The following NCF4 variants were observed in gnomAD, a reference collection of about 807,000 sequenced individuals.
NCF4 encodes the protein neutrophil cytosolic factor 4.
A neutral mutation model predicts 41.7 loss-of-function variants in NCF4; 30 were observed. The ratio of observed to expected loss-of-function variants is 0.72; its 90% confidence interval spans 0.54 to 0.97. The LOEUF (loss-of-function observed/expected upper bound fraction) is 0.97. Ranked by LOEUF, NCF4 falls within the 50% of genes least tolerant of loss-of-function variation. The probability of loss-of-function intolerance (pLI) is 0.00; values close to 1 mark genes in which losing one functional copy is unlikely to be tolerated. For missense variants in NCF4, 432 were observed against 460.9 expected, an observed-to-expected ratio of 0.94 and a Z score of 0.57; for synonymous variants, 195 against 175.8, an observed-to-expected ratio of 1.11 and a Z score of -0.87.
rs781723897 is a variant in NCF4 at position 36,877,683 on chromosome 22, C to G, written c.880C>G (p.Leu294Val). The G allele has an allele frequency of 6.2e-7, 1 of 1,614,206 alleles. No homozygotes were observed. The highest frequency in any genetic ancestry group is 8.5e-7 in the Non-Finnish European group (1 of 1,180,048). ...GAATTACCGGGACGCTGAGGGGGAT[C>G]TGGTTCGGCTGCTGTCGGATGAGGA... ...ALNYRDAEGD[L>V]VRLLSDEDVA... Residue 294 changes from leucine to valine, a missense_variant, in exon 10 of 10, where the codon CTG becomes GTG. Transcript: ENST00000248899.
intron 7 of NCF4, among the ~76,000 whole-genome samples, chr22:36,875,412 T>C (rs1474554198): frequency 6.6e-6 from 1 of 152,198 alleles, no homozygotes; most frequent in Non-Finnish European, 1.5e-5. Flanking sequence ...AATAAGTGAA[T>C]GAGTGAGATA....
chr22:36,864,801 C>A, intron 2 of NCF4, 118 bp from the exon 3 acceptor site: 1 of 1,278,316 alleles, frequency 7.8e-7, no homozygotes, highest in Non-Finnish European at 1.1e-6. Context: ...TCCAGAGACC[C>A]TTCTGCATCC....
rs774395484 is a variant in NCF4 at position 36,877,650 on chromosome 22, A to G, written c.847A>G (p.Ile283Val). 19 of 1,614,136 alleles carry G rather than the reference A, an allele frequency of 1.2e-5. No homozygotes were observed. Among genetic ancestry groups the G allele is most frequent in the South Asian group, 3.3e-5 (3 of 91,082 alleles). ...LTRREFQRED[I>V]ALNYRDAEGD... ...CAGGCGGGAGTTCCAGAGAGAGGAC[A>G]TAGCTCTGAATTACCGGGACGCTGA... Residue 283 changes from isoleucine to valine, a missense_variant, in exon 10 of 10, where the codon ATA becomes GTA. By Grantham distance (29) the Ile-to-Val change is conservative. Coordinates refer to ENST00000248899, the MANE Select transcript of NCF4 (RefSeq NM_000631.5).
intron 3 of NCF4, among the ~76,000 whole-genome samples, chr22:36,866,985 CAGTG>C (rs1374000452): frequency 6.6e-6 from 1 of 152,102 alleles, no homozygotes; most frequent in Non-Finnish European, 1.5e-5. Context: ...AAGTGCTACA[CAGTG>C]AGATATTTAC....
Position 36,876,576 on chromosome 22 carries a change from C to T in NCF4, c.824+482C>T, listed in dbSNP as rs144277411. Among the ~76,000 whole-genome samples, 565 of 152,238 alleles carry T rather than the reference C, an allele frequency of 3.7e-3. 3 individuals carry two copies. The highest frequency in any genetic ancestry group is 0.013 in the African/African-American group (539 of 41,534). ...AATCACCTCATATTTTTACTCCCCT[C>T]GTTATGTGACGTACACTCAGATTTC... is the stretch of plus-strand genomic sequence containing the variant. On this transcript the variant is annotated intron_variant, in intron 9 of 9. Coordinates refer to ENST00000248899, the MANE Select transcript of NCF4 (RefSeq NM_000631.5).
At chr22:36,868,366 CCCT>C (rs1939976732) in intron 4 of NCF4, among the ~76,000 whole-genome samples, 1 of 152,350 alleles carries the variant, frequency 6.6e-6, no homozygotes, top group African/African-American at 2.4e-5. Context: ...TGGGGCAGTG[CCCT>C]CTAGTATCAC....
At chr22:36,864,519 C>G (rs747871246) in intron 2 of NCF4, among the ~76,000 whole-genome samples, 8 of 152,106 alleles carry the variant, frequency 5.3e-5, no homozygotes, top group Non-Finnish European at 1.0e-4. Context: ...CCCCACAACA[C>G]CCCTGTCATA....
chr22:36,863,143 G>A (rs1384577163), intron 1 of NCF4, among the ~76,000 whole-genome samples: 1 of 152,182 alleles, frequency 6.6e-6, no homozygotes, highest in Non-Finnish European at 1.5e-5. Context: ...CTCTATAATT[G>A]CAGACGACGG....
intron 9 of NCF4, among the ~76,000 whole-genome samples, chr22:36,876,845 A>G (rs574110571): frequency 2.6e-4 from 39 of 152,318 alleles, no homozygotes; most frequent in African/African-American, 8.7e-4. Flanking sequence ...AGCATTTGCA[A>G]GTCTCATAGG....
At chr22:36,872,259 G>T (rs1384649930) in intron 6 of NCF4, 68 bp from the exon 7 acceptor site, 3 of 1,225,746 alleles carry the variant, frequency 2.4e-6, no homozygotes, top group Non-Finnish European at 3.6e-6. Context: ...ACTAAAGTAT[G>T]TAAGGCACTT....
In NCF4 at chr22:36,865,182, G is replaced by A; in HGVS notation, c.271+110G>A. On this transcript the variant is annotated intron_variant, in intron 3 of 9. Coordinates refer to ENST00000248899, the MANE Select transcript of NCF4 (RefSeq NM_000631.5). This position sits in a 1 kb window ranked among gnomAD's most constrained non-coding sequence, Gnocchi z 4.3. ...CTCAACCCCAGTGAAAACTGTTCAT[G>A]TAGTTTATAGCCCCCACTCCCGGCA... 6.8e-7 allele frequency: 1 copy of A among 1,475,904 alleles called. No homozygotes were observed. The highest frequency in any genetic ancestry group is 9.2e-7 in the Non-Finnish European group (1 of 1,085,024). 91.4% of individuals were successfully genotyped at this position (1,475,904 alleles called of 1,614,324 possible).
chr22:36,861,265 A>T, intron 1 of NCF4, 62 bp downstream of exon 1: 3 of 1,520,464 alleles, frequency 2.0e-6, no homozygotes, highest in Non-Finnish European at 2.7e-6. Context: ...CCTTAGGGAC[A>T]AAGGCCAGTC....
intron 4 of NCF4, chr22:36,869,953 G>T: frequency 4.7e-6 from 1 of 211,632 alleles, no homozygotes; most frequent in Non-Finnish European, 9.8e-6. Context: ...GCTTTGGGTA[G>T]CCTTTAGTGG....
chr22:36,863,137 A>G (rs750416479), intron 1 of NCF4, among the ~76,000 whole-genome samples: 18 of 152,244 alleles, frequency 1.2e-4, no homozygotes, highest in Middle Eastern at 3.4e-3. Flanking sequence ...AAAAAACTCT[A>G]TAATTGCAGA....
intron 6 of NCF4, 30 bp downstream of exon 6, chr22:36,871,739 C>T (rs779702950): frequency 1.2e-5 from 19 of 1,551,556 alleles, no homozygotes; most frequent in Non-Finnish European, 1.7e-5. Flanking sequence ...TGGCCAGGCT[C>T]TCACACTGTG....
intron 7 of NCF4, among the ~76,000 whole-genome samples, chr22:36,875,373 G>T (rs1569116411): frequency 6.6e-6 from 1 of 152,182 alleles, no homozygotes; most frequent in Non-Finnish European, 1.5e-5. Flanking sequence ...CTGTCACGTG[G>T]CTGGTTCTCA....
rs1272266444 is a variant in NCF4 at position 36,867,399 on chromosome 22, C to T, written c.279C>T (p.Val93=). 2.5e-6 allele frequency: 4 copies of T among 1,614,076 alleles called. No individual in the cohort carries two copies. The highest frequency in any genetic ancestry group is 1.7e-5 in the Admixed American group (1 of 60,010). ...CTCTTTGTCTCTTCTCAGCCAAAGT[C>T]TACGTGGGTGTGAAACAGGAGATCG... is the stretch of plus-strand genomic sequence containing the variant. ...ACTLPTLPAK[V]YVGVKQEIAE... is the part of the protein sequence containing the mutation. The change falls in exon 4 of 10, where the codon GTC becomes GTT. Residue 93 remains valine, a synonymous_variant. Transcript: ENST00000248899.
At chr22:36,877,592 T>C in intron 9 of NCF4, 36 bp from the exon 10 acceptor site, 1 of 1,611,848 alleles carries the variant, frequency 6.2e-7, no homozygotes, top group Non-Finnish European at 8.5e-7. Context: ...ACCTTACGCT[T>C]AGGCCCTTTG....
At chr22:36,873,187 T>A (rs569963483) in intron 7 of NCF4, among the ~76,000 whole-genome samples, 60 of 131,146 alleles carry the variant, frequency 4.6e-4, no homozygotes, top group Non-Finnish European at 8.2e-4. Flanking sequence ...TGGAGGTGAG[T>A]TTAGAGGTAA....
Sources: allele counts gnomAD v4.1 joint callset (sites outside exome capture counted in the v4.1 genomes callset), GRCh38; gene constraint gnomAD v4.1.1; non-coding constraint Gnocchi (gnomAD v3.1); transcripts MANE v1.5; gene names NCBI Gene and HGNC (gene_info 2026-07-23, HGNC 2026-07-21).